Variants in CPEB3 observed in about 807,000 individuals in gnomAD.
CPEB3 encodes the protein cytoplasmic polyadenylation element binding protein 3.
CPEB3 carries 20 observed loss-of-function variants against 67.2 expected under a neutral mutation model. That is an observed-to-expected ratio of 0.30 (90% CI 0.21 to 0.43). The LOEUF is 0.43. Among genes scored for constraint, CPEB3 ranks in the 20% least tolerant of loss-of-function variants. The pLI is 1.00. For missense variants in CPEB3, 746 were observed against 968.6 expected (o/e 0.77, Z 3.05); for synonymous variants, 376 against 393.1 (o/e 0.96, Z 0.51).
intron 6 of CPEB3, among the ~76,000 whole-genome samples, chr10:92,115,132 G>A (rs963172390): frequency 9.2e-5 from 14 of 152,156 alleles, no homozygotes; most frequent in Non-Finnish European, 1.9e-4. Context: ...CGGGACCGCC[G>A]GGCCACCACC....
Position 92,266,379 on chromosome 10 carries a change from G to A in CPEB3, c.-12+24547C>T, listed in dbSNP as rs371731415. On this transcript the variant is annotated intron_variant, in intron 1 of 9. Coordinates refer to ENST00000265997, the MANE Select transcript of CPEB3 (RefSeq NM_014912.5). ...TGTTTTGCCTCTCCTTTCTAAAGAG[G>A]CTTCTTTCTAAAGTCACTGCAGTTT... Among the ~76,000 whole-genome samples, 10 of 152,240 alleles carry A rather than the reference G, an allele frequency of 6.6e-5. No individual in the cohort carries two copies. The East Asian group carries it at 1.2e-3, about 18-fold the overall frequency.
At chr10:92,201,488 A>ACC (rs1403633948) in intron 2 of CPEB3, among the ~76,000 whole-genome samples, 2 of 152,202 alleles carry the variant, frequency 1.3e-5, no homozygotes, top group Non-Finnish European at 2.9e-5. Flanking sequence ...AGGTGGTGCC[A>ACC]CCGCACTCCA....
Position 92,180,963 on chromosome 10 carries a change from T to C in CPEB3, c.1222A>G (p.Asn408Asp). The change falls in exon 4 of 10, where the codon AAT becomes GAT. Residue 408 changes from asparagine (N) to aspartate (D), a missense_variant and splice_region_variant. By Grantham distance (23) the Asn-to-Asp change is conservative. Around this residue, in one of 2 missense-constraint regions of CPEB3, gnomAD observed 643 missense variants for 717.5 expected, o/e 0.90. Transcript: ENST00000265997. ...PGTDNIMALN[N>D]AFLDDSHGDQ... The stretch of plus-strand genomic sequence containing the variant: ...TAGAATATTTCATATGAAGACTTAC[T>C]GTTAAGTGCCATAATATTATCTGTT... 3 of 1,411,820 alleles carry C rather than the reference T, an allele frequency of 2.1e-6. No homozygotes were observed. Among genetic ancestry groups the C allele is most frequent in the Non-Finnish European group, 3.0e-6 (3 of 997,000 alleles). 87.5% of individuals were successfully genotyped at this position (1,411,820 alleles called of 1,614,324 possible).
chr10:92,254,230 A>T (rs1227467257), intron 1 of CPEB3, among the ~76,000 whole-genome samples: 1 of 119,550 alleles, frequency 8.4e-6, no homozygotes, highest in Non-Finnish European at 1.5e-5. Flanking sequence ...CCCTGCCTTT[A>T]AAAAAAAAAA....
At chr10:92,081,992 T>C (rs1843171082) in intron 8 of CPEB3, among the ~76,000 whole-genome samples, 1 of 152,180 alleles carries the variant, frequency 6.6e-6, no homozygotes, top group African/African-American at 2.4e-5. Context: ...GACAATTTGT[T>C]TATAGCCTTA....
At chr10:92,266,476 A>G (rs1590578255) in intron 1 of CPEB3, among the ~76,000 whole-genome samples, 1 of 152,306 alleles carries the variant, frequency 6.6e-6, no homozygotes, top group East Asian at 1.9e-4. Flanking sequence ...TCATCTTCAA[A>G]TTCATTAATT....
intron 4 of CPEB3, among the ~76,000 whole-genome samples, chr10:92,167,237 T>C (rs1847787498): frequency 6.6e-6 from 1 of 152,232 alleles, no homozygotes. Flanking sequence ...ACCATTAGTG[T>C]GTTCATTGGA....
chr10:92,192,644 T>C lies in CPEB3; in HGVS notation c.1006-8A>G. Reference sequence around the variant, plus strand: ...ATAGGGCCTACTCCGGTCCTAAGAATAAAAACAAAAACAAGACAATACATA... The same window carrying C: ...ATAGGGCCTACTCCGGTCCTAAGAACAAAAACAAAAACAAGACAATACATA... On this transcript the variant is annotated splice_region_variant and splice_polypyrimidine_tract_variant and intron_variant, in intron 2 of 9. Coordinates refer to ENST00000265997, the MANE Select transcript of CPEB3 (RefSeq NM_014912.5). 2 of 1,568,508 alleles carry C rather than the reference T, an allele frequency of 1.3e-6. No individual in the cohort carries two copies. The highest frequency in any genetic ancestry group is 8.6e-7 in the Non-Finnish European group (1 of 1,157,514).
At chr10:92,181,092 C>T in intron 3 of CPEB3, 73 bp from the exon 4 acceptor site, 1 of 808,092 alleles carries the variant, frequency 1.2e-6, no homozygotes, top group Non-Finnish European at 2.0e-6. Flanking sequence ...AAAATATAAA[C>T]ATTACAAAAA....
intron 2 of CPEB3, among the ~76,000 whole-genome samples, chr10:92,200,272 C>T (rs918384504): frequency 2.0e-5 from 3 of 151,872 alleles, no homozygotes; most frequent in South Asian, 2.1e-4. Context: ...AGGCCGGGCA[C>T]GGTGGCTCAC....
chr10:92,266,889 C>T (rs921526832), intron 1 of CPEB3, among the ~76,000 whole-genome samples: 4 of 152,028 alleles, frequency 2.6e-5, no homozygotes, highest in African/African-American at 9.7e-5. Flanking sequence ...CAAAAATTAG[C>T]CGGGCGTGGT....
At chr10:92,054,606 T>C (rs921002845) in intron 9 of CPEB3, among the ~76,000 whole-genome samples, 1 of 151,896 alleles carries the variant, frequency 6.6e-6, no homozygotes, top group African/African-American at 2.4e-5. Flanking sequence ...CACCCAAATA[T>C]AATTTTTATA....
In CPEB3 at chr10:92,192,620, T is replaced by C. The variant is rs748865015; in HGVS notation, c.1022A>G (p.Tyr341Cys). 2 of 1,610,142 alleles carry C rather than the reference T, an allele frequency of 1.2e-6. No individual in the cohort carries two copies. The highest frequency in any genetic ancestry group is 1.7e-5 in the Admixed American group (1 of 59,390). The change falls in exon 3 of 10, where the codon TAT becomes TGT. Residue 341 changes from tyrosine to cysteine, a missense_variant. Physicochemically the swap from Tyr to Cys is radical, Grantham distance 194. This residue lies in a region of CPEB3 where 643 missense variants were observed against 717.5 expected (regional missense o/e 0.90). Transcript: ENST00000265997. ...LLPFQDRSRP[Y>C]DTFNLHSLEN... Reference sequence around the variant, plus strand: ...CAACGAGTGCAAGTTAAAAGTATCATAGGGCCTACTCCGGTCCTAAGAATA... The same window carrying C: ...CAACGAGTGCAAGTTAAAAGTATCACAGGGCCTACTCCGGTCCTAAGAATA...
At chr10:92,152,347 G>C (rs998667463) in intron 4 of CPEB3, among the ~76,000 whole-genome samples, 2 of 152,154 alleles carry the variant, frequency 1.3e-5, no homozygotes, top group African/African-American at 4.8e-5. Context: ...TGTCTCAATA[G>C]ATTTGTCTAT....
chr10:92,186,526 G>T (rs1476614333), intron 3 of CPEB3, among the ~76,000 whole-genome samples: 1 of 151,338 alleles, frequency 6.6e-6, no homozygotes, highest in Non-Finnish European at 1.5e-5. Flanking sequence ...GCTCCACCTC[G>T]TGGGTTCAAG....
At chr10:92,174,298 A>T (rs1848131554) in intron 4 of CPEB3, among the ~76,000 whole-genome samples, 1 of 152,202 alleles carries the variant, frequency 6.6e-6, no homozygotes, top group African/African-American at 2.4e-5. Flanking sequence ...TGCCCAACAC[A>T]AATGTTCATG....
At chr10:92,125,850 A>G (rs970177912) in intron 6 of CPEB3, among the ~76,000 whole-genome samples, 1 of 151,948 alleles carries the variant, frequency 6.6e-6, no homozygotes, top group African/African-American at 2.4e-5. Flanking sequence ...CAGCCTCCCA[A>G]GTAGCTGGGA....
chr10:92,228,876 G>A (rs1012659649), intron 2 of CPEB3, among the ~76,000 whole-genome samples: 10 of 151,432 alleles, frequency 6.6e-5, no homozygotes, highest in Non-Finnish European at 1.5e-4. Context: ...ACCATGCCTG[G>A]CTAATTTTTG....
intron 1 of CPEB3, among the ~76,000 whole-genome samples, chr10:92,267,072 T>C (rs927970759): frequency 4.0e-5 from 6 of 151,576 alleles, no homozygotes; most frequent in African/African-American, 1.2e-4. Flanking sequence ...CCTCCTTGAC[T>C]AGATGAAACG....
Sources: gnomAD v4.1 joint callset for allele counts (sites outside exome capture counted in the v4.1 genomes callset) on GRCh38, gnomAD v4.1.1 for gene constraint, gnomAD v4.1.1 regional missense constraint, MANE v1.5 for transcripts, NCBI Gene and HGNC (gene_info 2026-07-23, HGNC 2026-07-21) for gene names.